The following PTPRZ1 variants were observed in gnomAD, a reference collection of about 807,000 sequenced individuals.
PTPRZ1 encodes protein tyrosine phosphatase receptor type Z1.
A neutral mutation model predicts 214.1 loss-of-function variants in PTPRZ1; 82 were observed. The observed-to-expected ratio is 0.38, with a 90% confidence interval of 0.32 to 0.46. The LOEUF is 0.46. Ranked by LOEUF, PTPRZ1 falls within the 20% of genes least tolerant of loss-of-function variation. The probability of loss-of-function intolerance (pLI) is 1.00; values close to 1 mark genes in which losing one functional copy is unlikely to be tolerated. For missense variants in PTPRZ1, 2,603 were observed against 2,748.7 expected, an observed-to-expected ratio of 0.95 and a Z score of 1.19; for synonymous variants, 945 against 987.9, an observed-to-expected ratio of 0.96 and a Z score of 0.81.
intron 2 of PTPRZ1, among the ~76,000 whole-genome samples, chr7:121,948,939 T>A (rs1450946044): frequency 3.3e-5 from 5 of 152,016 alleles, no homozygotes; most frequent in African/African-American, 1.2e-4. Context: ...GTGAGACAGG[T>A]CTCAGTTAAT....
chr7:121,894,848 A>G (rs1388532083), intron 1 of PTPRZ1, among the ~76,000 whole-genome samples: 1 of 152,156 alleles, frequency 6.6e-6, no homozygotes, highest in African/African-American at 2.4e-5. Context: ...GGGAAGGTGT[A>G]TTATGTTCAT....
chr7:121,899,424 A>C (rs1794895307), intron 1 of PTPRZ1, among the ~76,000 whole-genome samples: 1 of 152,210 alleles, frequency 6.6e-6, no homozygotes, highest in African/African-American at 2.4e-5. Flanking sequence ...ATGGAAGATA[A>C]ATTCTGCTAA....
intron 1 of PTPRZ1, among the ~76,000 whole-genome samples, chr7:121,896,627 G>A (rs1157550083): frequency 6.6e-6 from 1 of 152,034 alleles, no homozygotes; most frequent in Non-Finnish European, 1.5e-5. Context: ...CAAAAAATTA[G>A]CCGGGTGTGG....
At chr7:121,983,615 T>G in intron 6 of PTPRZ1, 50 bp from the exon 7 acceptor site, 2 of 1,520,862 alleles carry the variant, frequency 1.3e-6, no homozygotes, top group Non-Finnish European at 8.9e-7. Flanking sequence ...TTTGAACAGC[T>G]AAGTTCCAGT....
rs757814999 is a variant in PTPRZ1, at chr7:122,010,755, A to T, written c.1709A>T (p.Glu570Val). ...LNTVSITEYE[E>V]ESLLTSFKLD... ...ACAGTTTCTATAACAGAATATGAGG[A>T]GGAGAGTTTATTGACCAGTTTCAAG... Residue 570 changes from glutamate (E) to valine (V), a missense_variant, in exon 12 of 30, where the codon GAG becomes GTG. Transcript: ENST00000393386. 1.2e-4 allele frequency: 189 copies of T among 1,613,868 alleles called. No individual in the cohort carries two copies. The highest frequency in any genetic ancestry group is 1.6e-4 in the Non-Finnish European group (188 of 1,179,974).
rs1027450310 is a variant in PTPRZ1, at chr7:122,059,664, G to A, written c.6672-89G>A. 1.9e-5 allele frequency: 27 copies of A among 1,404,106 alleles called. No individual in the cohort carries two copies. The Middle Eastern group carries it at 7.5e-4, about 39-fold the overall frequency. 87.0% of individuals were successfully genotyped at this position (1,404,106 alleles called of 1,614,324 possible). On this transcript the variant is annotated intron_variant, in intron 28 of 29. Transcript: ENST00000393386. ...AAAGTTTCAGTGTTTTCACTGCAAA[G>A]TTGTCAAGGCTATATGCTTTGTGAG...
intron 9 of PTPRZ1, among the ~76,000 whole-genome samples, chr7:121,997,324 TTCATA>T (rs1798173381): frequency 6.6e-6 from 1 of 152,200 alleles, no homozygotes; most frequent in South Asian, 2.1e-4. Context: ...TTAATTATGT[TTCATA>T]TCATGTGGAC....
intron 1 of PTPRZ1, among the ~76,000 whole-genome samples, chr7:121,879,721 A>G (rs1351631657): frequency 6.6e-6 from 1 of 151,942 alleles, no homozygotes; most frequent in East Asian, 1.9e-4. Context: ...AAAGGAGATG[A>G]TCTTTTGTTA....
chr7:121,998,602 T>C (rs1458811787), intron 10 of PTPRZ1, among the ~76,000 whole-genome samples: 2 of 152,162 alleles, frequency 1.3e-5, no homozygotes, highest in Non-Finnish European at 1.5e-5. Context: ...CTTCTCTAAA[T>C]GTATGGGAAA....
Position 122,012,864 on chromosome 7 carries a change from T to A in PTPRZ1, c.3818T>A (p.Leu1273Ter). 1 of 1,614,116 alleles carries A rather than the reference T, an allele frequency of 6.2e-7. No individual in the cohort carries two copies. Among genetic ancestry groups the A allele is most frequent in the East Asian group, 2.2e-5 (1 of 44,876 alleles). Residue 1273 changes from leucine (L) to a stop codon, truncating the protein, a stop_gained, in exon 12 of 30, where the codon TTG (leucine) becomes TAG (stop). Transcript: ENST00000393386. LOFTEE classifies it high-confidence loss of function. ...GCAAGTGAGAAATATGAACCAGTTT[T>A]GTTAAAAAGTGAAAGTTCCCACCAA... is the stretch of plus-strand genomic sequence containing the variant. ...SYASEKYEPV[L>*]LKSESSHQVV...
intron 2 of PTPRZ1, among the ~76,000 whole-genome samples, chr7:121,967,374 G>A (rs1298142160): frequency 6.6e-6 from 1 of 152,172 alleles, no homozygotes; most frequent in Non-Finnish European, 1.5e-5. Flanking sequence ...ATCCCAAACA[G>A]ATGGAAATTA....
At position 121,976,238 on chromosome 7, in the gene PTPRZ1, G is replaced by T; in HGVS notation, c.522G>T (p.Gly174=). Residue 174 remains glycine, a synonymous_variant, in exon 5 of 30, where the codon GGG becomes GGT. Coordinates refer to ENST00000393386, the MANE Select transcript of PTPRZ1 (RefSeq NM_002851.3). ...TTGAGGAAGCAGTCAAAGGAAAAGGGAAGTTAAGAGCTTTATCCATTTTGT... is the reference window on the plus strand; with the variant it reads ...TTGAGGAAGCAGTCAAAGGAAAAGGTAAGTTAAGAGCTTTATCCATTTTGT... ...SSFEEAVKGK[G]KLRALSILFE... is the part of the protein sequence containing the mutation. 1 of 1,608,142 alleles carries T rather than the reference G, an allele frequency of 6.2e-7. No homozygotes were observed. The highest frequency in any genetic ancestry group is 1.1e-5 in the South Asian group (1 of 90,536).
chr7:122,040,964 TTG>T lies in PTPRZ1; in HGVS notation c.5788_5789del (p.Val1930ArgfsTer49). 1 of 1,564,556 alleles carries T rather than the reference TTG, an allele frequency of 6.4e-7. No individual in the cohort carries two copies. Among genetic ancestry groups the T allele is most frequent in the East Asian group, 2.3e-5 (1 of 43,886 alleles). On this transcript the variant is annotated frameshift_variant, in exon 21 of 30. Transcript: ENST00000393386. LOFTEE classifies it high-confidence loss of function. ...GCCAAGCGCCATGCAGTGGGGCCTG[TTG>T]TCGTCCACTGCAGGTGAGTCTCAGA... is the stretch of plus-strand genomic sequence containing the variant.
In PTPRZ1 at chr7:122,012,815, C is replaced by A. The variant is rs754267835; in HGVS notation, c.3769C>A (p.Leu1257Ile). The A allele has an allele frequency of 1.9e-6, 3 of 1,612,320 alleles. No homozygotes were observed. The highest frequency in any genetic ancestry group is 2.5e-6 in the Non-Finnish European group (3 of 1,178,496). ...TACTTCTCATATGCACTCTGCTTCA[C>A]TTCAAGGTTTGACCATTTCCTATGC... Reference protein sequence around the residue: ...SPTSHMHSASLQGLTISYASE... With the variant: ...SPTSHMHSASIQGLTISYASE... Residue 1257 changes from leucine (L) to isoleucine (I), a missense_variant, in exon 12 of 30, where the codon CTT becomes ATT. Transcript: ENST00000393386.
intron 2 of PTPRZ1, among the ~76,000 whole-genome samples, chr7:121,937,940 A>G (rs1418548860): frequency 1.3e-5 from 2 of 152,150 alleles, no homozygotes; most frequent in Non-Finnish European, 2.9e-5. Flanking sequence ...TTTTTCCCAC[A>G]AGGAAAACAC....
chr7:121,884,319 C>T (rs964709106), intron 1 of PTPRZ1, among the ~76,000 whole-genome samples: 4 of 152,018 alleles, frequency 2.6e-5, no homozygotes, highest in Non-Finnish European at 5.9e-5. Context: ...CATCTATATA[C>T]ACACCTAAAT....
At chr7:121,969,135 G>T (rs888567086) in intron 3 of PTPRZ1, among the ~76,000 whole-genome samples, 1 of 152,174 alleles carries the variant, frequency 6.6e-6, no homozygotes, top group Non-Finnish European at 1.5e-5. Context: ...ATACTCAGGA[G>T]GCTGAGACAC....
At chr7:121,888,492 C>T (rs887105004) in intron 1 of PTPRZ1, among the ~76,000 whole-genome samples, 1 of 151,916 alleles carries the variant, frequency 6.6e-6, no homozygotes, top group Non-Finnish European at 1.5e-5. Context: ...CTGTAACTGC[C>T]CAGTTCTGTG....
At chr7:121,913,338 A>G (rs1795331855) in intron 1 of PTPRZ1, among the ~76,000 whole-genome samples, 1 of 152,188 alleles carries the variant, frequency 6.6e-6, no homozygotes, top group Non-Finnish European at 1.5e-5. Context: ...CACGTGTGTC[A>G]AATATTCATC....
Sources: allele counts gnomAD v4.1 joint callset (sites outside exome capture counted in the v4.1 genomes callset), GRCh38; gene constraint gnomAD v4.1.1; transcripts MANE v1.5; gene names NCBI Gene and HGNC (gene_info 2026-07-23, HGNC 2026-07-21).